Variants in UBE2H observed in about 807,000 individuals in gnomAD.
The protein encoded by UBE2H is ubiquitin conjugating enzyme E2 H.
UBE2H carries 3 observed loss-of-function variants against 29.0 expected under a neutral mutation model. That is an observed-to-expected ratio of 0.10 (90% CI 0.05 to 0.27). The LOEUF (loss-of-function observed/expected upper bound fraction) is 0.27, where lower values mean the gene tolerates loss of function less well. Ranked by LOEUF, UBE2H falls within the 10% of genes least tolerant of loss-of-function variation. The pLI, the probability that UBE2H is intolerant of heterozygous loss-of-function variation, is 1.00. For missense variants in UBE2H, 68 were observed against 228.2 expected (o/e 0.30, Z 4.52); for synonymous variants, 69 against 82.9 (o/e 0.83, Z 0.91).
chr7:129,930,813 C>G (rs1807374892), intron 1 of UBE2H, among the ~76,000 whole-genome samples: 1 of 142,380 alleles, frequency 7.0e-6, no homozygotes, highest in African/African-American at 2.6e-5. Context: ...GAGGCTGAGG[C>G]AGGAAAATTG....
At chr7:129,867,721 AAC>A (rs1805937934) in intron 3 of UBE2H, among the ~76,000 whole-genome samples, 1 of 76,648 alleles carries the variant, frequency 1.3e-5, no homozygotes, top group Non-Finnish European at 2.7e-5. Flanking sequence ...AAAAAAAGAA[AAC>A]CAAAAAAAAA....
chr7:129,864,904 C>A (rs1805871546), intron 3 of UBE2H: 2 of 235,610 alleles, frequency 8.5e-6, no homozygotes, highest in Non-Finnish European at 1.8e-5. Context: ...AGATTAAAAT[C>A]AGAACTCCTT....
intron 5 of UBE2H, among the ~76,000 whole-genome samples, chr7:129,850,594 G>A (rs995772360): frequency 9.9e-5 from 15 of 152,112 alleles, no homozygotes; most frequent in African/African-American, 3.6e-4. Context: ...GAGGCAGGTG[G>A]ATCATGAGGT....
intron 1 of UBE2H, among the ~76,000 whole-genome samples, chr7:129,916,418 T>C (rs1807044223): frequency 1.5e-5 from 1 of 65,296 alleles, no homozygotes; most frequent in African/African-American, 4.5e-5. Flanking sequence ...TCTTGTATTT[T>C]CTTCCCACTT....
intron 1 of UBE2H, among the ~76,000 whole-genome samples, chr7:129,912,774 C>A (rs901009526): frequency 6.6e-6 from 1 of 152,176 alleles, no homozygotes; most frequent in African/African-American, 2.4e-5. Flanking sequence ...TTAGGCAAAG[C>A]CTATCCCTAT....
intron 3 of UBE2H, among the ~76,000 whole-genome samples, chr7:129,859,699 T>C (rs956669027): frequency 6.6e-6 from 1 of 152,248 alleles, no homozygotes; most frequent in Non-Finnish European, 1.5e-5. Flanking sequence ...AGTCAGTATA[T>C]ATGCAAATGG....
At chr7:129,918,083 G>T (rs527500690) in intron 1 of UBE2H, among the ~76,000 whole-genome samples, 1 of 152,140 alleles carries the variant, frequency 6.6e-6, no homozygotes, top group Non-Finnish European at 1.5e-5. Context: ...ACACTGGCAG[G>T]CCTCAAACTT....
At chr7:129,912,988 C>A (rs1430461168) in intron 1 of UBE2H, among the ~76,000 whole-genome samples, 1 of 152,156 alleles carries the variant, frequency 6.6e-6, no homozygotes, top group Non-Finnish European at 1.5e-5. Flanking sequence ...GCGGTGGTCA[C>A]GCCTGTAATC....
rs1247328232 is a variant in UBE2H, at chr7:129,952,839, TC to T, written c.-285del. 3.9e-6 allele frequency: 1 copy of T among 256,878 alleles called. No individual in the cohort carries two copies. Among genetic ancestry groups the T allele is most frequent in the African/African-American group, 2.3e-5 (1 of 44,262 alleles). The allele number at this position is 256,878 out of a possible 1,614,324, so 15.9% of individuals were successfully genotyped here. A position where few individuals can be genotyped will look rare whatever the true frequency, so the allele number is the denominator to read the frequency against. ...GGCGCTCCTCTGCGCCGCGCGACGCTCCCTCCTGCCTGCTGTGGCTCGCTCG... is the reference window on the plus strand; with the variant it reads ...GGCGCTCCTCTGCGCCGCGCGACGCTCCTCCTGCCTGCTGTGGCTCGCTCG... On this transcript the variant is annotated 5_prime_UTR_variant, in exon 1 of 7. Coordinates refer to ENST00000355621, the MANE Select transcript of UBE2H (RefSeq NM_003344.4).
intron 1 of UBE2H, among the ~76,000 whole-genome samples, chr7:129,929,650 C>T (rs1490236871): frequency 6.6e-6 from 1 of 152,196 alleles, no homozygotes; most frequent in South Asian, 2.1e-4. Flanking sequence ...CACCAATATT[C>T]CTTCTTAGCT....
In UBE2H at chr7:129,843,689, C is replaced by A. The variant is rs546622579; in HGVS notation, c.299-4354G>T. Among the ~76,000 whole-genome samples the A allele has an allele frequency of 7.9e-5, 12 of 152,298 alleles. No individual in the cohort carries two copies. In the South Asian group the frequency reaches 2.3e-3, roughly 29 times the overall value. On this transcript the variant is annotated intron_variant, in intron 5 of 6. Coordinates refer to ENST00000355621, the MANE Select transcript of UBE2H (RefSeq NM_003344.4). ...GCAAAGAAGCATGCTAAGCAAAGGACGTTCAGATGTTTCTGTGGCTATTCA... is the reference window on the plus strand; with the variant it reads ...GCAAAGAAGCATGCTAAGCAAAGGAAGTTCAGATGTTTCTGTGGCTATTCA...
At chr7:129,862,887 A>G (rs1805828345) in intron 3 of UBE2H, among the ~76,000 whole-genome samples, 1 of 152,218 alleles carries the variant, frequency 6.6e-6, no homozygotes, top group Non-Finnish European at 1.5e-5. Context: ...GTGTCCTAAA[A>G]TAGGCTAGTT....
intron 5 of UBE2H, among the ~76,000 whole-genome samples, chr7:129,843,355 A>G (rs1805460262): frequency 9.3e-6 from 1 of 107,606 alleles, no homozygotes; most frequent in African/African-American, 3.1e-5. Flanking sequence ...TGCTTACTAC[A>G]AGCAAGGAAC....
chr7:129,847,031 A>ATTT lies in UBE2H; in HGVS notation c.299-7699_299-7697dup, dbSNP rs917591212. Among the ~76,000 whole-genome samples, 54 of 151,174 alleles carry ATTT rather than the reference A, an allele frequency of 3.6e-4. 10 individuals carry two copies. Among genetic ancestry groups the ATTT allele is most frequent in the East Asian group, 1.9e-3 (10 of 5,162 alleles). The stretch of plus-strand genomic sequence containing the variant: ...AATTATTATTATTATTATTATTATT[A>ATTT]TTTTTTGAGACGGAGTCTCGCTCTA... On this transcript the variant is annotated intron_variant, in intron 5 of 6. Transcript: ENST00000355621.
intron 5 of UBE2H, 54 bp downstream of exon 5, chr7:129,857,456 AT>A: frequency 2.6e-6 from 4 of 1,563,710 alleles, no homozygotes; most frequent in South Asian, 1.2e-5. Context: ...GCCAAACAAC[AT>A]TTTTTTAGGC....
At chr7:129,836,512 A>G (rs1478017926) in intron 6 of UBE2H, among the ~76,000 whole-genome samples, 3 of 152,220 alleles carry the variant, frequency 2.0e-5, no homozygotes, top group Non-Finnish European at 4.4e-5. Flanking sequence ...CAGCTATGGC[A>G]TAGGAGAGGC....
intron 1 of UBE2H, among the ~76,000 whole-genome samples, chr7:129,936,061 G>A (rs1191676589): frequency 1.3e-5 from 2 of 152,048 alleles, no homozygotes; most frequent in East Asian, 1.9e-4. Context: ...AGGTTTTCTC[G>A]AAGTATAAAA....
chr7:129,912,781 C>G (rs1806964128), intron 1 of UBE2H, among the ~76,000 whole-genome samples: 1 of 152,208 alleles, frequency 6.6e-6, no homozygotes, highest in South Asian at 2.1e-4. Flanking sequence ...AAGCCTATCC[C>G]TATTTCCTAC....
At chr7:129,873,489 C>T (rs374947712) in intron 3 of UBE2H, among the ~76,000 whole-genome samples, 2 of 146,886 alleles carry the variant, frequency 1.4e-5, no homozygotes, top group South Asian at 2.1e-4. Context: ...GGCTGGAGTG[C>T]AGTGATGCTA....
Sources: gnomAD v4.1 joint callset for allele counts (sites outside exome capture counted in the v4.1 genomes callset) on GRCh38, gnomAD v4.1.1 for gene constraint, MANE v1.5 for transcripts, NCBI Gene and HGNC (gene_info 2026-07-23, HGNC 2026-07-21) for gene names.